DRG1: variants seen among roughly 807,000 people sequenced by gnomAD.
DRG1 encodes the protein developmentally regulated GTP binding protein 1.
DRG1 carries 19 observed loss-of-function variants against 38.8 expected under a neutral mutation model. That is an observed-to-expected ratio of 0.49 (90% CI 0.34 to 0.72). DRG1 has a LOEUF of 0.72. Among genes scored for constraint, DRG1 ranks in the 30% least tolerant of loss-of-function variants. The pLI is 0.01. For synonymous variants in DRG1, 167 were observed against 157.5 expected (o/e 1.06, Z -0.45); for missense variants, 299 against 444.8 (o/e 0.67, Z 2.95).
intron 3 of DRG1, among the ~76,000 whole-genome samples, chr22:31,408,134 C>CTTT (rs1206312150): frequency 7.8e-5 from 3 of 38,298 alleles, no homozygotes; most frequent in African/African-American, 2.1e-4. Context: ...TTTTTTCCTT[C>CTTT]TTTTTTTTTT....
chr22:31,412,348 C>G (rs1468537790), intron 4 of DRG1, among the ~76,000 whole-genome samples: 2 of 144,624 alleles, frequency 1.4e-5, no homozygotes, highest in Non-Finnish European at 1.5e-5. Flanking sequence ...TATTTTCTTT[C>G]TTTCTTTTTT....
intron 7 of DRG1, 47 bp from the exon 8 acceptor site, chr22:31,427,013 T>A: frequency 6.2e-7 from 1 of 1,605,882 alleles, no homozygotes; most frequent in East Asian, 2.2e-5. Context: ...ATTCAACACA[T>A]GAGATAGTCT....
chr22:31,405,371 T>C (rs1218669452), intron 3 of DRG1, among the ~76,000 whole-genome samples: 1 of 152,084 alleles, frequency 6.6e-6, no homozygotes, highest in Non-Finnish European at 1.5e-5. Flanking sequence ...TTTCACCATA[T>C]TGGCCAGGCT....
At position 31,423,291 on chromosome 22, in the gene DRG1, T is replaced by C. The variant is rs113613271; in HGVS notation, c.594T>C (p.Ser198=). The part of the protein sequence containing the change: ...GINLTATCPQ[S]ELDAETVKSI... ...CTATTCCCTTTCAGTGCCCCCAGAG[T>C]GAGCTGGATGCTGAAACTGTGAAGA... The change falls in exon 6 of 9, where the codon AGT becomes AGC. Residue 198 remains serine (S), a synonymous_variant. Transcript: ENST00000331457. 5 of 1,613,972 alleles carry C rather than the reference T, an allele frequency of 3.1e-6. No homozygotes were observed. The highest frequency in any genetic ancestry group is 4.2e-6 in the Non-Finnish European group (5 of 1,180,006).
At chr22:31,410,940 A>G in intron 3 of DRG1, 72 bp from the exon 4 acceptor site, 1 of 1,485,194 alleles carries the variant, frequency 6.7e-7, no homozygotes, top group Non-Finnish European at 9.3e-7. Context: ...AAATAAATTA[A>G]TTCTGTTTGA....
intron 3 of DRG1, among the ~76,000 whole-genome samples, chr22:31,410,489 C>T (rs1462378421): frequency 6.6e-6 from 1 of 151,448 alleles, no homozygotes. Context: ...CGCCTATAGG[C>T]TGGCATCTCC....
intron 1 of DRG1, 152 bp downstream of exon 1, chr22:31,399,877 C>G (rs2049951142): frequency 5.5e-6 from 6 of 1,098,504 alleles, no homozygotes; most frequent in African/African-American, 1.5e-5. Flanking sequence ...CCCTCTGCCA[C>G]GATTAGGAGT....
intron 8 of DRG1, among the ~76,000 whole-genome samples, chr22:31,432,470 G>A (rs2050145050): frequency 6.6e-6 from 1 of 150,858 alleles, no homozygotes; most frequent in South Asian, 2.1e-4. Flanking sequence ...CAGTCGCCCA[G>A]GCTGGAGTGC....
chr22:31,432,545 C>A (rs1238831115), intron 8 of DRG1, among the ~76,000 whole-genome samples: 1 of 151,982 alleles, frequency 6.6e-6, no homozygotes, highest in African/African-American at 2.4e-5. Context: ...CCTGCCTCAG[C>A]CTCCCAAGTA....
chr22:31,428,183 C>A (rs1377247595), intron 8 of DRG1, among the ~76,000 whole-genome samples: 1 of 151,524 alleles, frequency 6.6e-6, no homozygotes, highest in African/African-American at 2.4e-5. Flanking sequence ...TTATTTTAGA[C>A]CAATAGCAAA....
chr22:31,426,964 T>C, intron 7 of DRG1, 96 bp from the exon 8 acceptor site: 3 of 1,562,336 alleles, frequency 1.9e-6, no homozygotes. Flanking sequence ...TTGGAGGTTG[T>C]CCTGGTCTGA....
At chr22:31,402,788 A>G (rs547903603) in intron 2 of DRG1, among the ~76,000 whole-genome samples, 27 of 152,154 alleles carry the variant, frequency 1.8e-4, no homozygotes, top group African/African-American at 5.3e-4. Flanking sequence ...GGGACTATAG[A>G]TGTGTGCCAC....
rs886955517 is a variant in DRG1, at chr22:31,399,619, C to A, written c.-65C>A. 3 of 1,607,450 alleles carry A rather than the reference C, an allele frequency of 1.9e-6. 1 individual carries two copies. The highest frequency in any genetic ancestry group is 2.2e-5 in the South Asian group (2 of 90,970). On this transcript the variant is annotated 5_prime_UTR_variant, in exon 1 of 9. Coordinates refer to ENST00000331457, the MANE Select transcript of DRG1 (RefSeq NM_004147.4). Reference sequence around the variant, plus strand: ...TGCGTGCTGCAGTAGCGCCTGGTGGCGGTGGCAGTTTGCCCGCGGGTGTGT... The same window carrying A: ...TGCGTGCTGCAGTAGCGCCTGGTGGAGGTGGCAGTTTGCCCGCGGGTGTGT...
At chr22:31,433,152 A>G (rs1043917960) in intron 8 of DRG1, among the ~76,000 whole-genome samples, 1 of 151,906 alleles carries the variant, frequency 6.6e-6, no homozygotes, top group Non-Finnish European at 1.5e-5. Flanking sequence ...GTCAGTACCC[A>G]CTGATGGTTT....
chr22:31,420,054 G>A (rs2050067629), intron 4 of DRG1, among the ~76,000 whole-genome samples: 1 of 152,092 alleles, frequency 6.6e-6, no homozygotes, highest in African/African-American at 2.4e-5. Flanking sequence ...GGGCAAATAG[G>A]TGCTGATTTC....
chr22:31,419,819 G>A (rs886357239), intron 4 of DRG1, among the ~76,000 whole-genome samples: 6 of 152,124 alleles, frequency 3.9e-5, no homozygotes, highest in Admixed American at 2.0e-4. Context: ...TGAGGTGGGC[G>A]GATTGCCTGA....
In DRG1 at chr22:31,399,674, A is replaced by C; in HGVS notation, c.-10A>C. The C allele has an allele frequency of 6.2e-7, 1 of 1,614,022 alleles. No homozygotes were observed. The highest frequency in any genetic ancestry group is 1.1e-5 in the South Asian group (1 of 91,080). ...GGAGACAGTGTGGAGGCCACAGGGTACTCGCCACGATGAGCAGCACCTTAG... is the reference window on the plus strand; with the variant it reads ...GGAGACAGTGTGGAGGCCACAGGGTCCTCGCCACGATGAGCAGCACCTTAG... On this transcript the variant is annotated 5_prime_UTR_variant, in exon 1 of 9. Transcript: ENST00000331457.
At chr22:31,427,334 C>G in intron 8 of DRG1, 152 bp downstream of exon 8, 1 of 1,093,628 alleles carries the variant, frequency 9.1e-7, no homozygotes. Flanking sequence ...CTTCTTAAAA[C>G]CGTGCCTAAT....
intron 4 of DRG1, among the ~76,000 whole-genome samples, chr22:31,414,611 C>T (rs2050034427): frequency 6.6e-6 from 1 of 151,888 alleles, no homozygotes; most frequent in Non-Finnish European, 1.5e-5. Context: ...GTTGTTATAT[C>T]CAGCTGGTTT....
Sources: allele counts gnomAD v4.1 joint callset (sites outside exome capture counted in the v4.1 genomes callset), GRCh38; gene constraint gnomAD v4.1.1; transcripts MANE v1.5; gene names NCBI Gene and HGNC (gene_info 2026-07-23, HGNC 2026-07-21).